LYRM4: variants seen among roughly 807,000 people sequenced by gnomAD.
The protein encoded by LYRM4 is LYR motif-containing protein 4.
LYRM4 carries 9 observed loss-of-function variants against 11.7 expected under a neutral mutation model. The observed-to-expected ratio is 0.77, with a 90% CI of 0.46 to 1.34. LYRM4 has a LOEUF of 1.34. LYRM4 is among the 40% of genes most tolerant of loss of function. The pLI is 0.00. For missense variants in LYRM4, 133 were observed against 112.5 expected (o/e 1.18, Z -0.82); for synonymous variants, 42 against 40.4 (o/e 1.04, Z -0.15).
rs189236678 is a variant in LYRM4, at chr6:5,139,303, C to A, written c.208-29812G>T. On this transcript the variant is annotated intron_variant, in intron 2 of 2. Coordinates refer to ENST00000330636, the MANE Select transcript of LYRM4 (RefSeq NM_020408.6). The stretch of plus-strand genomic sequence containing the variant: ...CCAGCAACTCTGGAAACATGGTGAG[C>A]ATATCATATCCAGAACTCTGACCAA... Among the ~76,000 whole-genome samples, 460 of 152,272 alleles carry A rather than the reference C, an allele frequency of 3.0e-3. 2 individuals are homozygous for A. Among genetic ancestry groups the A allele is most frequent in the African/African-American group, 0.011 (444 of 41,546 alleles).
the LYRM4 span, among the ~76,000 whole-genome samples, chr6:5,074,206 G>C: frequency 2.0e-5 from 3 of 152,122 alleles, no homozygotes; most frequent in African/African-American, 7.2e-5. Context: ...CAAAAGCATG[G>C]CTATGTAAAT....
chr6:5,061,322 C>T, the LYRM4 span, among the ~76,000 whole-genome samples: 3 of 152,190 alleles, frequency 2.0e-5, no homozygotes, highest in Non-Finnish European at 4.4e-5. Flanking sequence ...CAGAGGCCTG[C>T]CTGTCAGTCA....
At chr6:5,240,668 G>A (rs1452988315) in intron 1 of LYRM4, 3 of 152,258 alleles carry the variant, frequency 2.0e-5, no homozygotes, top group Non-Finnish European at 2.9e-5. Flanking sequence ...ACCCGCAGCA[G>A]TAGTATCCAA....
At chr6:5,048,014 GGT>G in the LYRM4 span, among the ~76,000 whole-genome samples, 2 of 152,134 alleles carry the variant, frequency 1.3e-5, no homozygotes, top group African/African-American at 4.8e-5. Context: ...AGTTTTCTAT[GGT>G]GTATGTGTTC....
At chr6:5,171,268 A>G (rs1228302798) in intron 2 of LYRM4, among the ~76,000 whole-genome samples, 1 of 152,148 alleles carries the variant, frequency 6.6e-6, no homozygotes, top group Non-Finnish European at 1.5e-5. Flanking sequence ...CTAGTCATCC[A>G]TCTACGTTAC....
At chr6:5,048,872 C>T in the LYRM4 span, among the ~76,000 whole-genome samples, 1 of 152,124 alleles carries the variant, frequency 6.6e-6, no homozygotes, top group Non-Finnish European at 1.5e-5. Flanking sequence ...AATTGTTCCT[C>T]TGAGCTTGTG....
At chr6:5,194,465 A>T (rs568132617) in intron 2 of LYRM4, among the ~76,000 whole-genome samples, 1 of 152,106 alleles carries the variant, frequency 6.6e-6, no homozygotes, top group African/African-American at 2.4e-5. Flanking sequence ...TGGCAAAATG[A>T]TGAGGTACAA....
At chr6:5,257,155 C>T (rs920806791) in intron 1 of LYRM4, among the ~76,000 whole-genome samples, 3 of 152,158 alleles carry the variant, frequency 2.0e-5, no homozygotes, top group African/African-American at 7.2e-5. Flanking sequence ...AGGTTAGTGG[C>T]TGCCTGTGAG....
At chr6:5,179,065 C>CAAAAA (rs58749743) in intron 2 of LYRM4, among the ~76,000 whole-genome samples, 19 of 103,900 alleles carry the variant, frequency 1.8e-4, no homozygotes, top group African/African-American at 5.6e-4. Flanking sequence ...ACCAAAAAAA[C>CAAAAA]AAAAAAAAAA....
In LYRM4 at chr6:5,136,739, C is replaced by T. The variant is rs1051925757; in HGVS notation, c.208-27248G>A. On this transcript the variant is annotated intron_variant, in intron 2 of 2. Transcript: ENST00000330636. ...CATGCTAAACCGCCCCAAGGAGCAG[C>T]GCCTGTAGGAAGACTGGGTAGACTT... 1.0e-5 allele frequency: 10 copies of T among 985,288 alleles called. No homozygotes were observed. In the South Asian group the frequency reaches 1.9e-4, roughly 19 times the overall value. The allele number at this position is 985,288 out of a possible 1,614,324, so 61.0% of individuals were successfully genotyped here.
chr6:5,216,873 T>C (rs892562402), intron 1 of LYRM4, 135 bp from the exon 2 acceptor site: 3 of 1,082,692 alleles, frequency 2.8e-6, no homozygotes, highest in Non-Finnish European at 3.9e-6. Flanking sequence ...TGATCTTTGC[T>C]CGTGGCGCAG....
the LYRM4 span, chr6:5,089,545 G>C: frequency 6.6e-6 from 1 of 152,120 alleles, no homozygotes. Flanking sequence ...ACTCAAACAA[G>C]AGAAATAGAT....
intron 2 of LYRM4, among the ~76,000 whole-genome samples, chr6:5,134,892 C>T (rs557371072): frequency 2.0e-5 from 3 of 152,158 alleles, no homozygotes; most frequent in African/African-American, 4.8e-5. Flanking sequence ...TAACGGCACT[C>T]CTAGGGCTGT....
chr6:5,260,457 C>A (rs961569678), intron 1 of LYRM4, among the ~76,000 whole-genome samples, 191 bp downstream of exon 1: 2 of 152,236 alleles, frequency 1.3e-5, no homozygotes, highest in African/African-American at 4.8e-5. Flanking sequence ...AAGAAAGGCT[C>A]CTCCCCGAGG....
chr6:5,204,595 G>C (rs1427983559), intron 2 of LYRM4, among the ~76,000 whole-genome samples: 1 of 152,096 alleles, frequency 6.6e-6, no homozygotes, highest in East Asian at 1.9e-4. Flanking sequence ...GCCTCACAAG[G>C]AAGGAACCAC....
chr6:5,086,524 T>C, the LYRM4 span: 1 of 1,533,478 alleles, frequency 6.5e-7, no homozygotes, highest in Non-Finnish European at 8.8e-7. Flanking sequence ...GGGCGCCAAC[T>C]ACACGCTGCG....
chr6:5,140,018 G>C (rs1428175041), intron 2 of LYRM4, among the ~76,000 whole-genome samples: 1 of 151,660 alleles, frequency 6.6e-6, no homozygotes, highest in African/African-American at 2.4e-5. Context: ...TGGATCACTC[G>C]TGCCCAGGAG....
At chr6:5,241,025 C>T (rs977623899) in intron 1 of LYRM4, among the ~76,000 whole-genome samples, 12 of 152,184 alleles carry the variant, frequency 7.9e-5, no homozygotes, top group Admixed American at 6.5e-4. Flanking sequence ...GGCTCCATAC[C>T]AACTTTGTTA....
chr6:5,052,472 T>C, the LYRM4 span, among the ~76,000 whole-genome samples: 2 of 152,116 alleles, frequency 1.3e-5, no homozygotes, highest in African/African-American at 4.8e-5. Flanking sequence ...TGTTTTTTGT[T>C]TTGTAGAGAT....
Sources: gnomAD v4.1 joint callset for allele counts (sites outside exome capture counted in the v4.1 genomes callset) on GRCh38, gnomAD v4.1.1 for gene constraint, MANE v1.5 for transcripts, NCBI Gene and HGNC (gene_info 2026-07-23, HGNC 2026-07-21) for gene names.